NFATC1: variants seen among roughly 807,000 people sequenced by gnomAD.
NFATC1 encodes nuclear factor of activated T-cells, cytoplasmic 1.
NFATC1 carries 22 observed loss-of-function variants against 76.0 expected under a neutral mutation model. The ratio of observed to expected loss-of-function variants is 0.29; its 90% confidence interval spans 0.21 to 0.41. The LOEUF is 0.41. Ranked by LOEUF, NFATC1 falls within the 10% of genes least tolerant of loss-of-function variation. NFATC1 has a pLI of 1.00. For missense variants in NFATC1, 1,357 were observed against 1,337.7 expected (o/e 1.01, Z -0.23); for synonymous variants, 704 against 613.1 (o/e 1.15, Z -2.19).
rs2087559409 is a variant in NFATC1, at chr18:79,453,462, GC to G, written c.1903+1649del. ...CAGGAGCCAAGGGGATGCAGGACCA[GC>G]CCTGGCCTCATGCGGCCGCCCCTAC... On this transcript the variant is annotated intron_variant, in intron 6 of 9. Transcript: ENST00000427363. 5.2e-5 allele frequency among the ~76,000 whole-genome samples: 8 copies of G among 152,388 alleles called. No homozygotes were observed. In the South Asian group the frequency reaches 1.7e-3, roughly 32 times the overall value.
intron 9 of NFATC1, among the ~76,000 whole-genome samples, chr18:79,495,061 C>T (rs2089838972): frequency 6.6e-6 from 1 of 152,252 alleles, no homozygotes; most frequent in Non-Finnish European, 1.5e-5. Context: ...GCAAGTCTGC[C>T]CCTTGAGGAA....
chr18:79,410,204 G>A lies in NFATC1; in HGVS notation c.128-199G>A. On this transcript the variant is annotated intron_variant, in intron 1 of 9. Transcript: ENST00000427363. The surrounding 1 kb of genome is among the most constrained non-coding windows in gnomAD (Gnocchi z 6.7). Reference sequence around the variant, plus strand: ...GCAGTGAGGGGCTCACGGGAGCCTTGTTGGCCAGGTGGGACTGGGGCTGTC... The same window carrying A: ...GCAGTGAGGGGCTCACGGGAGCCTTATTGGCCAGGTGGGACTGGGGCTGTC... 1.2e-6 allele frequency: 1 copy of A among 849,166 alleles called. No homozygotes were observed. Among genetic ancestry groups the A allele is most frequent in the Non-Finnish European group, 1.9e-6 (1 of 515,988 alleles). 52.6% of individuals were successfully genotyped at this position (849,166 alleles called of 1,614,324 possible). A position where few individuals can be genotyped will look rare whatever the true frequency, so the allele number is the denominator to read the frequency against.
In NFATC1 at chr18:79,524,861, G is replaced by T. The variant is rs1194064890; in HGVS notation, c.2783-2667G>T. ...CCGCTTCCCTTTCACCCTCAGCGAC[G>T]CGCCCTCCTGTGCCCGCGGGGAACA... On this transcript the variant is annotated intron_variant, in intron 9 of 9. Coordinates refer to ENST00000427363, the MANE Select transcript of NFATC1 (RefSeq NM_001278669.2). The surrounding 1 kb of genome is among the most constrained non-coding windows in gnomAD (Gnocchi z 7.2). 6.6e-6 allele frequency among the ~76,000 whole-genome samples: 1 copy of T among 151,978 alleles called. No homozygotes were observed. Among genetic ancestry groups the T allele is most frequent in the Non-Finnish European group, 1.5e-5 (1 of 67,950 alleles).
chr18:79,468,825 C>T (rs562393128), intron 8 of NFATC1: 1 of 152,638 alleles, frequency 6.6e-6, no homozygotes, highest in African/African-American at 2.4e-5. Flanking sequence ...AGCCCCCAGC[C>T]CAGCCCTCGC....
intron 1 of NFATC1, among the ~76,000 whole-genome samples, chr18:79,400,039 G>A (rs1054536177): frequency 6.6e-6 from 1 of 151,950 alleles, no homozygotes; most frequent in African/African-American, 2.4e-5. Context: ...CCGCTCGTGG[G>A]GTCCCGACGC....
intron 1 of NFATC1, chr18:79,400,500 G>T: frequency 1.4e-6 from 2 of 1,402,822 alleles, no homozygotes; most frequent in Non-Finnish European, 1.9e-6. Context: ...CCCGGAGGGC[G>T]CGGGGGGCGC....
At chr18:79,398,573 C>T (rs909659549) in intron 1 of NFATC1, among the ~76,000 whole-genome samples, 1 of 152,188 alleles carries the variant, frequency 6.6e-6, no homozygotes, top group South Asian at 2.1e-4. Context: ...GCAGGGGAGC[C>T]GCCCCACCGA....
chr18:79,476,200 C>A (rs1339923373), intron 8 of NFATC1, among the ~76,000 whole-genome samples: 1 of 152,230 alleles, frequency 6.6e-6, no homozygotes, highest in African/African-American at 2.4e-5. Flanking sequence ...CTTGGCGACG[C>A]CAGCCGCGCG....
intron 2 of NFATC1, among the ~76,000 whole-genome samples, chr18:79,432,828 C>T (rs1371658724): frequency 1.3e-5 from 2 of 152,056 alleles, no homozygotes; most frequent in Non-Finnish European, 2.9e-5. Context: ...CAGGACCTCA[C>T]CTTAGCCTTT....
At chr18:79,479,849 G>T (rs1473485751) in intron 8 of NFATC1, among the ~76,000 whole-genome samples, 2 of 152,236 alleles carry the variant, frequency 1.3e-5, no homozygotes, top group Admixed American at 1.3e-4. Flanking sequence ...GTCGCCTGGG[G>T]AAGGCCCGGT....
chr18:79,424,183 G>A (rs577333002), intron 2 of NFATC1, among the ~76,000 whole-genome samples: 7 of 152,352 alleles, frequency 4.6e-5, no homozygotes, highest in African/African-American at 1.7e-4. Context: ...GAATCATGTC[G>A]GGGGTGACGC....
At chr18:79,445,520 A>G (rs8096725) in intron 3 of NFATC1, among the ~76,000 whole-genome samples, 21,225 of 152,216 alleles carry the variant, frequency 0.14, 2,176 homozygotes, top group African/African-American at 0.28. Context: ...GGTGATGAGG[A>G]TTCCAGGGCT....
intron 9 of NFATC1, among the ~76,000 whole-genome samples, chr18:79,502,094 G>C (rs2090025975): frequency 6.6e-6 from 1 of 152,204 alleles, no homozygotes; most frequent in South Asian, 2.1e-4. Flanking sequence ...GTTACACTTC[G>C]CAATTTCAGA....
intron 3 of NFATC1, among the ~76,000 whole-genome samples, chr18:79,445,330 G>A (rs1367752939): frequency 1.3e-5 from 2 of 152,192 alleles, no homozygotes; most frequent in Non-Finnish European, 2.9e-5. Flanking sequence ...CCAGGCCCCT[G>A]TACCGAGGGT....
At chr18:79,427,146 TCGTGTACCCA>T (rs1171808411) in intron 2 of NFATC1, among the ~76,000 whole-genome samples, 2 of 152,180 alleles carry the variant, frequency 1.3e-5, no homozygotes, top group African/African-American at 4.8e-5. Flanking sequence ...CTGCAGCCCT[TCGTGTACCCA>T]CGTGTCCGAT....
At chr18:79,409,515 GTCCA>G (rs1258231778) in intron 1 of NFATC1, among the ~76,000 whole-genome samples, 2 of 149,070 alleles carry the variant, frequency 1.3e-5, no homozygotes, top group African/African-American at 2.5e-5. Flanking sequence ...CCGTTTAGCT[GTCCA>G]TCCATCCATC....
intron 1 of NFATC1, among the ~76,000 whole-genome samples, chr18:79,407,652 C>G (rs7234623): frequency 0.049 from 7,382 of 152,174 alleles, 519 homozygotes; most frequent in African/African-American, 0.15. Flanking sequence ...ATCATGTTGC[C>G]CAGATTGGTC....
chr18:79,511,037 G>A (rs931531697), intron 9 of NFATC1, among the ~76,000 whole-genome samples: 4 of 152,170 alleles, frequency 2.6e-5, no homozygotes, highest in African/African-American at 4.8e-5. Flanking sequence ...GTGGGCCCGC[G>A]GTGTCTGTCA....
At position 79,451,005 on chromosome 18, in the gene NFATC1, G is replaced by T. The variant is rs1477019466; in HGVS notation, c.1641G>T (p.Arg547=). The T allele has an allele frequency of 6.2e-7, 1 of 1,613,922 alleles. No individual in the cohort carries two copies. Among genetic ancestry groups the T allele is most frequent in the Non-Finnish European group, 8.5e-7 (1 of 1,180,016 alleles). ...TCAGAAACTCCGACATTGAACTTCG[G>T]AAAGGAGAGACGGACATCGGGAGGA... ...LKLRNSDIEL[R]KGETDIGRKN... Residue 547 remains arginine (R), a synonymous_variant, in exon 5 of 10, where the codon CGG becomes CGT. Transcript: ENST00000427363.
Sources: allele counts gnomAD v4.1 joint callset (sites outside exome capture counted in the v4.1 genomes callset), GRCh38; gene constraint gnomAD v4.1.1; non-coding constraint Gnocchi (gnomAD v3.1); transcripts MANE v1.5; gene names NCBI Gene and HGNC (gene_info 2026-07-23, HGNC 2026-07-21).